The following WWC2 variants were observed in gnomAD, a reference collection of about 807,000 sequenced individuals.
WWC2 encodes the protein protein WWC2.
WWC2 carries 101 observed loss-of-function variants against 138.5 expected under a neutral mutation model. That is an observed-to-expected ratio of 0.73 (90% CI 0.62 to 0.86). The LOEUF is 0.86. WWC2 is among the 40% of genes least tolerant of loss of function. WWC2 has a pLI of 0.00. For missense variants in WWC2, 1,420 were observed against 1,419.4 expected (o/e 1.00, Z -0.01); for synonymous variants, 558 against 538.4 (o/e 1.04, Z -0.50).
rs1260528484 is a variant in WWC2 at position 183,282,703 on chromosome 4, C to T, written c.2685-5C>T. Reference sequence around the variant, plus strand: ...CAAAAGTGTTTTGTTTTTGTTTTACCATAGGCTAACAATGCTAAGAGAGGC... The same window carrying T: ...CAAAAGTGTTTTGTTTTTGTTTTACTATAGGCTAACAATGCTAAGAGAGGC... On this transcript the variant is annotated splice_region_variant and splice_polypyrimidine_tract_variant and intron_variant, in intron 17 of 22. Transcript: ENST00000403733. 1.3e-6 allele frequency: 2 copies of T among 1,561,966 alleles called. No homozygotes were observed.
At chr4:183,282,359 A>G (rs1427556101) in intron 17 of WWC2, among the ~76,000 whole-genome samples, 1 of 152,258 alleles carries the variant, frequency 6.6e-6, no homozygotes, top group Non-Finnish European at 1.5e-5. Flanking sequence ...CAATAAATGA[A>G]CAACGAATAC....
intron 2 of WWC2, among the ~76,000 whole-genome samples, chr4:183,195,889 A>T (rs1580046976): frequency 6.6e-6 from 1 of 152,130 alleles, no homozygotes; most frequent in African/African-American, 2.4e-5. Flanking sequence ...TGTCCCATCT[A>T]AATCTCATGC....
intron 1 of WWC2, among the ~76,000 whole-genome samples, chr4:183,131,342 A>ATG (rs1732918578): frequency 6.6e-6 from 1 of 152,084 alleles, no homozygotes; most frequent in African/African-American, 2.4e-5. Context: ...GTTCTTAGAC[A>ATG]TGATACCAAA....
At chr4:183,192,791 T>G (rs1735025576) in intron 1 of WWC2, among the ~76,000 whole-genome samples, 1 of 152,098 alleles carries the variant, frequency 6.6e-6, no homozygotes, top group Non-Finnish European at 1.5e-5. Context: ...TCTGTGGTGT[T>G]AACCTGCCCA....
chr4:183,100,552 C>A (rs186492511), intron 1 of WWC2, among the ~76,000 whole-genome samples: 1 of 152,114 alleles, frequency 6.6e-6, no homozygotes, highest in African/African-American at 2.4e-5. Flanking sequence ...GGGATAACTT[C>A]GACATTTGGA....
chr4:183,264,879 C>T (rs1419382929), intron 11 of WWC2, 99 bp from the exon 12 acceptor site: 6 of 1,240,708 alleles, frequency 4.8e-6, no homozygotes, highest in Admixed American at 6.5e-5. Flanking sequence ...AGAAGGAAAT[C>T]TTATTTTGGA....
chr4:183,280,634 A>G (rs999594631), intron 16 of WWC2, 142 bp from the exon 17 acceptor site: 42 of 974,994 alleles, frequency 4.3e-5, no homozygotes, highest in African/African-American at 6.7e-5. Context: ...TTTGGGTTCT[A>G]TTTTATTCAG....
chr4:183,249,911 T>C lies in WWC2; in HGVS notation c.880-9T>C. 6.2e-7 allele frequency: 1 copy of C among 1,611,418 alleles called. No individual in the cohort carries two copies. On this transcript the variant is annotated splice_polypyrimidine_tract_variant and intron_variant, in intron 7 of 22. Transcript: ENST00000403733. ...TAATTGACTTTTTTCCTTTTTCTTT[T>C]TCCACTAGATTGGAGTAAGAAGTAG... is the stretch of plus-strand genomic sequence containing the variant.
intron 1 of WWC2, among the ~76,000 whole-genome samples, chr4:183,143,283 C>T (rs929463242): frequency 3.9e-5 from 6 of 152,118 alleles, no homozygotes; most frequent in Non-Finnish European, 7.4e-5. Context: ...GTGATGGCGT[C>T]GATGTGGCCC....
chr4:183,132,502 G>A lies in WWC2; in HGVS notation c.131+32880G>A, dbSNP rs1042874720. 2.7e-5 allele frequency among the ~76,000 whole-genome samples: 4 copies of A among 150,230 alleles called. No individual in the cohort carries two copies. The South Asian group carries it at 6.4e-4, about 24-fold the overall frequency. Reference sequence around the variant, plus strand: ...GGAGTCTCGCTCTGTCGCCCAGGCTGGAGTGCTGTGGCGCGATCTCAGCTC... The same window carrying A: ...GGAGTCTCGCTCTGTCGCCCAGGCTAGAGTGCTGTGGCGCGATCTCAGCTC... On this transcript the variant is annotated intron_variant, in intron 1 of 22. Coordinates refer to ENST00000403733, the MANE Select transcript of WWC2 (RefSeq NM_024949.6).
At chr4:183,118,737 A>G (rs573649339) in intron 1 of WWC2, among the ~76,000 whole-genome samples, 1 of 152,318 alleles carries the variant, frequency 6.6e-6, no homozygotes, top group East Asian at 1.9e-4. Flanking sequence ...CATCAGACAC[A>G]TTGACAAAAC....
chr4:183,282,741 T>A lies in WWC2; in HGVS notation c.2718T>A (p.Ile906=). 1 of 1,577,622 alleles carries A rather than the reference T, an allele frequency of 6.3e-7. No individual in the cohort carries two copies. The highest frequency in any genetic ancestry group is 8.6e-7 in the Non-Finnish European group (1 of 1,160,814). ...LTMLREASDE[I]VAEKEAEVKL... is the part of the protein sequence containing the mutation. ...TGCTAAGAGAGGCCTCTGATGAAAT[T>A]GTGGCTGAAAAAGAGGCTGAAGTTA... Residue 906 remains isoleucine (I), a synonymous_variant, in exon 18 of 23, where the codon ATT becomes ATA. Transcript: ENST00000403733.
intron 21 of WWC2, among the ~76,000 whole-genome samples, chr4:183,310,261 G>A (rs191449974): frequency 1.1e-3 from 161 of 152,292 alleles, no homozygotes; most frequent in Non-Finnish European, 1.8e-3. Context: ...GTACACTCTG[G>A]TGGAGGATGC....
At position 183,296,358 on chromosome 4, in the gene WWC2, G is replaced by A. The variant is rs149865591; in HGVS notation, c.3384+6723G>A. Among the ~76,000 whole-genome samples the A allele has an allele frequency of 4.5e-4, 69 of 152,280 alleles. No individual in the cohort carries two copies. The East Asian group carries it at 0.013, about 28-fold the overall frequency. On this transcript the variant is annotated intron_variant, in intron 21 of 22. Transcript: ENST00000403733. ...GCTCAGAACTGCCCAGGAATAATTC[G>A]AAGATCATGGGACTGTTCAATTTGG...
At chr4:183,132,246 G>T (rs1439146783) in intron 1 of WWC2, among the ~76,000 whole-genome samples, 1 of 152,030 alleles carries the variant, frequency 6.6e-6, no homozygotes, top group Admixed American at 6.6e-5. Flanking sequence ...TTCAGTACTA[G>T]CTCAGACTCC....
At chr4:183,267,700 G>A (rs925127901) in intron 14 of WWC2, among the ~76,000 whole-genome samples, 2 of 152,192 alleles carry the variant, frequency 1.3e-5, no homozygotes, top group Non-Finnish European at 2.9e-5. Flanking sequence ...CCTGCGTAGT[G>A]TAGGACCAGT....
Position 183,285,959 on chromosome 4 carries a change from G to A in WWC2, c.3049-8G>A, listed in dbSNP as rs752256311. 14 of 1,574,500 alleles carry A rather than the reference G, an allele frequency of 8.9e-6. No homozygotes were observed. The highest frequency in any genetic ancestry group is 5.4e-5 in the African/African-American group (4 of 74,070). On this transcript the variant is annotated splice_polypyrimidine_tract_variant and splice_region_variant and intron_variant, in intron 19 of 22. Coordinates refer to ENST00000403733, the MANE Select transcript of WWC2 (RefSeq NM_024949.6). ...CAGTGATTTTTTTTTTAAATCTTTT[G>A]TTGCCAGTTAAATCGGAGTGACAGT...
At position 183,298,439 on chromosome 4, in the gene WWC2, G is replaced by T. The variant is rs550290742; in HGVS notation, c.3384+8804G>T. Among the ~76,000 whole-genome samples, 29 of 152,110 alleles carry T rather than the reference G, an allele frequency of 1.9e-4. No individual in the cohort carries two copies. The South Asian group carries it at 6.0e-3, about 32-fold the overall frequency. On this transcript the variant is annotated intron_variant, in intron 21 of 22. Coordinates refer to ENST00000403733, the MANE Select transcript of WWC2 (RefSeq NM_024949.6). ...GTATACACCTGAGGTCCCTGTTTAG[G>T]GTCCAAGTGAAAAGAGACTATAACA...
At chr4:183,244,644 A>G in intron 5 of WWC2, among the ~76,000 whole-genome samples, 1 of 152,166 alleles carries the variant, frequency 6.6e-6, no homozygotes, top group Non-Finnish European at 1.5e-5. Context: ...GATACTCACT[A>G]GTATAAATAA....
Sources: gnomAD v4.1 joint callset for allele counts (sites outside exome capture counted in the v4.1 genomes callset) on GRCh38, gnomAD v4.1.1 for gene constraint, MANE v1.5 for transcripts, NCBI Gene and HGNC (gene_info 2026-07-23, HGNC 2026-07-21) for gene names.